Variants in CDH18 observed in about 807,000 individuals in gnomAD.
CDH18 encodes cadherin 18.
In CDH18, 31 loss-of-function variants were observed where a neutral mutation model predicts 67.9. That is an observed-to-expected ratio of 0.46 (90% CI 0.34 to 0.62). The LOEUF is 0.62. Among genes scored for constraint, CDH18 ranks in the 20% least tolerant of loss-of-function variants. CDH18 has a pLI of 0.01. For missense variants in CDH18, 890 were observed against 975.5 expected (o/e 0.91, Z 1.17); for synonymous variants, 362 against 347.2 (o/e 1.04, Z -0.48).
In CDH18 at chr5:19,700,559, T is replaced by C. The variant is rs78847303; in HGVS notation, c.643+20788A>G. Among the ~76,000 whole-genome samples, 825 of 152,308 alleles carry C rather than the reference T, an allele frequency of 5.4e-3. 4 individuals are homozygous for C. The highest frequency in any genetic ancestry group is 0.018 in the African/African-American group (737 of 41,576). ...CTGGGGTTTTCATGCACAGTTTCTA[T>C]ACAGAGAAGGATTGTGAGCAGAAAG... On this transcript the variant is annotated intron_variant, in intron 5 of 12. Coordinates refer to ENST00000382275, the MANE Select transcript of CDH18 (RefSeq NM_004934.5).
chr5:20,430,535 C>A (rs1748656698), intron 1 of CDH18, among the ~76,000 whole-genome samples: 1 of 152,138 alleles, frequency 6.6e-6, no homozygotes, highest in African/African-American at 2.4e-5. Context: ...CATCTATATA[C>A]CTTGGACTCA....
At chr5:19,523,575 A>T (rs1049244205) in intron 9 of CDH18, among the ~76,000 whole-genome samples, 3 of 152,154 alleles carry the variant, frequency 2.0e-5, no homozygotes, top group Non-Finnish European at 4.4e-5. Flanking sequence ...ACATGAAAAA[A>T]AATCAGTCTC....
intron 2 of CDH18, among the ~76,000 whole-genome samples, chr5:20,099,783 C>G (rs1320605425): frequency 6.6e-6 from 1 of 151,902 alleles, no homozygotes; most frequent in Non-Finnish European, 1.5e-5. Flanking sequence ...AGTTTTTATC[C>G]TTTAATTTTT....
intron 2 of CDH18, among the ~76,000 whole-genome samples, chr5:20,096,150 T>C (rs1336426027): frequency 6.6e-6 from 1 of 152,162 alleles, no homozygotes; most frequent in Non-Finnish European, 1.5e-5. Context: ...CTACATCTTT[T>C]ATATGCCAGT....
intron 5 of CDH18, among the ~76,000 whole-genome samples, chr5:19,674,778 G>A (rs1759235222): frequency 6.6e-6 from 1 of 152,042 alleles, no homozygotes; most frequent in African/African-American, 2.4e-5. Flanking sequence ...ACTTAAATTT[G>A]GAAGGATTCT....
rs149727943 is a variant in CDH18, at chr5:19,976,475, C to T, written c.-257+4585G>A. 2.5e-3 allele frequency among the ~76,000 whole-genome samples: 382 copies of T among 152,146 alleles called. 2 individuals carry two copies. The highest frequency in any genetic ancestry group is 3.8e-3 in the Non-Finnish European group (256 of 68,012). ...ACCTTTCAACAGTCTCAAAGAATCA[C>T]CAATTGTAGATTGTCAACTGCAGTA... On this transcript the variant is annotated intron_variant, in intron 2 of 12. Coordinates refer to ENST00000382275, the MANE Select transcript of CDH18 (RefSeq NM_004934.5).
At chr5:19,849,515 T>C (rs1479309373) in intron 2 of CDH18, among the ~76,000 whole-genome samples, 2 of 151,544 alleles carry the variant, frequency 1.3e-5, no homozygotes, top group African/African-American at 4.8e-5. Context: ...CCAGATGCCA[T>C]AAATGTACGC....
At position 20,179,945 on chromosome 5, in the gene CDH18, G is replaced by C. The variant is rs115179290; in HGVS notation, c.-518+75499C>G. 3.4e-3 allele frequency among the ~76,000 whole-genome samples: 510 copies of C among 152,202 alleles called. 2 individuals carry two copies. The highest frequency in any genetic ancestry group is 0.012 in the African/African-American group (494 of 41,542). Reference sequence around the variant, plus strand: ...GGAAAAGTCACTAGAAGCAATGCTGGTGTACATAGACATGTGTAGGAAGAC... The same window carrying C: ...GGAAAAGTCACTAGAAGCAATGCTGCTGTACATAGACATGTGTAGGAAGAC... On this transcript the variant is annotated intron_variant, in intron 2 of 14. Transcript: ENST00000507958.
At chr5:20,164,077 T>C (rs979551745) in intron 2 of CDH18, among the ~76,000 whole-genome samples, 5 of 152,106 alleles carry the variant, frequency 3.3e-5, no homozygotes, top group Admixed American at 6.5e-5. Flanking sequence ...ATTTAACAAG[T>C]ATTGAGTGGT....
chr5:19,646,622 T>C (rs1202400485), intron 5 of CDH18, among the ~76,000 whole-genome samples: 1 of 152,120 alleles, frequency 6.6e-6, no homozygotes, highest in Non-Finnish European at 1.5e-5. Context: ...ATTATAGGTG[T>C]GAGCCACCAC....
At chr5:20,264,348 T>A (rs1214361050) in intron 1 of CDH18, among the ~76,000 whole-genome samples, 1 of 152,108 alleles carries the variant, frequency 6.6e-6, no homozygotes, top group African/African-American at 2.4e-5. Context: ...CATAAAAATG[T>A]AAATATTAGC....
rs1384002530 is a variant in CDH18 at position 19,994,184 on chromosome 5, G to A, written c.-517-2170C>T. Among the ~76,000 whole-genome samples, 5 of 151,850 alleles carry A rather than the reference G, an allele frequency of 3.3e-5. No homozygotes were observed. In the East Asian group the frequency reaches 9.7e-4, roughly 30 times the overall value. On this transcript the variant is annotated intron_variant, in intron 2 of 14. Transcript: ENST00000507958. ...TATCAGCTTTGTCAACTGAATGAAT[G>A]CAATCTGGTGGGGTGTATATCTATA... is the stretch of plus-strand genomic sequence containing the variant.
chr5:20,271,061 T>C (rs1162315258), intron 1 of CDH18, among the ~76,000 whole-genome samples: 2 of 151,964 alleles, frequency 1.3e-5, no homozygotes, highest in African/African-American at 2.4e-5. Context: ...AGTGATGATA[T>C]AATTTGTGCA....
At chr5:19,847,365 G>T (rs1783111191) in intron 2 of CDH18, among the ~76,000 whole-genome samples, 1 of 151,820 alleles carries the variant, frequency 6.6e-6, no homozygotes, top group South Asian at 2.1e-4. Context: ...TAAGTTATCT[G>T]ATTCTTCATT....
At chr5:19,808,443 C>T (rs1193216237) in intron 3 of CDH18, among the ~76,000 whole-genome samples, 1 of 151,950 alleles carries the variant, frequency 6.6e-6, no homozygotes, top group East Asian at 1.9e-4. Context: ...GGATAAAAAT[C>T]AATAAAATAA....
chr5:19,581,806 G>A (rs1743298764), intron 7 of CDH18, among the ~76,000 whole-genome samples: 2 of 150,362 alleles, frequency 1.3e-5, no homozygotes, highest in Non-Finnish European at 3.0e-5. Context: ...TTATATTATG[G>A]TATTTTGTCA....
At chr5:20,096,927 A>C (rs776895028) in intron 2 of CDH18, among the ~76,000 whole-genome samples, 9 of 152,186 alleles carry the variant, frequency 5.9e-5, no homozygotes, top group Non-Finnish European at 1.0e-4. Context: ...ACATGTAGGA[A>C]GAAAAGATCT....
At chr5:20,352,996 C>A (rs1447703798) in intron 1 of CDH18, among the ~76,000 whole-genome samples, 2 of 152,070 alleles carry the variant, frequency 1.3e-5, no homozygotes, top group Non-Finnish European at 2.9e-5. Context: ...CTTATGGAAG[C>A]CTTTATGGCT....
chr5:20,536,262 T>C (rs1756710973), intron 1 of CDH18, among the ~76,000 whole-genome samples: 2 of 152,146 alleles, frequency 1.3e-5, no homozygotes, highest in Admixed American at 6.6e-5. Context: ...TTATAAAATC[T>C]AGTTTATTGA....
Sources: allele counts gnomAD v4.1 joint callset (sites outside exome capture counted in the v4.1 genomes callset), GRCh38; gene constraint gnomAD v4.1.1; transcripts MANE v1.5; gene names NCBI Gene and HGNC (gene_info 2026-07-23, HGNC 2026-07-21).